The following ENOPH1 variants were observed in gnomAD, a reference collection of about 807,000 sequenced individuals.
The protein encoded by ENOPH1 is enolase-phosphatase 1, also known as enolase-phosphatase E1.
In ENOPH1, 14 loss-of-function variants were observed where a neutral mutation model predicts 31.1. The ratio of observed to expected loss-of-function variants is 0.45; its 90% CI spans 0.30 to 0.70. ENOPH1 has a LOEUF of 0.70. ENOPH1 is among the 30% of genes least tolerant of loss of function. ENOPH1 has a pLI of 0.09. For missense variants in ENOPH1, 243 were observed against 321.5 expected (o/e 0.76, Z 1.87); for synonymous variants, 127 against 123.2 (o/e 1.03, Z -0.21).
At chr4:82,445,432 A>G (rs1176960452) in intron 1 of ENOPH1, among the ~76,000 whole-genome samples, 2 of 152,210 alleles carry the variant, frequency 1.3e-5, no homozygotes, top group Non-Finnish European at 2.9e-5. Flanking sequence ...ACCGTCTGCT[A>G]ACATGTTGAC....
At position 82,460,789 on chromosome 4, in the gene ENOPH1, T is replaced by A. The variant is rs1722626577; in HGVS notation, c.*669T>A. 1 of 152,258 alleles carries A rather than the reference T, an allele frequency of 6.6e-6. No individual in the cohort carries two copies. Among genetic ancestry groups the A allele is most frequent in the Non-Finnish European group, 1.5e-5 (1 of 68,068 alleles). The allele number at this position is 152,258 out of a possible 1,614,324, so 9.4% of individuals were successfully genotyped here. On this transcript the variant is annotated 3_prime_UTR_variant, in exon 6 of 6. Transcript: ENST00000273920. ...ACTGAGGTAACATCTAAAACAGAGA[T>A]GTGGTTCTTAATGTTTAACAGAACA...
At chr4:82,458,764 A>G (rs1422902128) in intron 5 of ENOPH1, among the ~76,000 whole-genome samples, 2 of 152,172 alleles carry the variant, frequency 1.3e-5, no homozygotes, top group African/African-American at 4.8e-5. Flanking sequence ...GCTAGGAAGT[A>G]GGGGTGAGTG....
chr4:82,448,292 CACTT>C (rs1472496455), intron 2 of ENOPH1, among the ~76,000 whole-genome samples: 1 of 148,844 alleles, frequency 6.7e-6, no homozygotes, highest in Non-Finnish European at 1.5e-5. Flanking sequence ...GATGGAGTCT[CACTT>C]CGTTGCCCAG....
At chr4:82,449,603 A>G (rs1272003342) in intron 2 of ENOPH1, among the ~76,000 whole-genome samples, 1 of 152,048 alleles carries the variant, frequency 6.6e-6, no homozygotes, top group Non-Finnish European at 1.5e-5. Context: ...TGCTAAACAA[A>G]CCATTCACGA....
intron 3 of ENOPH1, among the ~76,000 whole-genome samples, chr4:82,451,474 G>A (rs1459769001): frequency 6.6e-6 from 1 of 152,188 alleles, no homozygotes; most frequent in Non-Finnish European, 1.5e-5. Context: ...GTTGATTGAA[G>A]GACTTGTCAA....
chr4:82,456,054 C>T lies in ENOPH1; in HGVS notation c.523-861C>T, dbSNP rs541708821. 9.9e-5 allele frequency among the ~76,000 whole-genome samples: 15 copies of T among 151,960 alleles called. No homozygotes were observed. In the East Asian group the frequency reaches 2.5e-3, roughly 25 times the overall value. On this transcript the variant is annotated intron_variant, in intron 4 of 5. Transcript: ENST00000273920. ...GGTGACTGTTCTCTTAATACAGATA[C>T]AACTTCTTTTCTGCTCTCTCTGACA...
chr4:82,430,722 C>G lies in ENOPH1; in HGVS notation c.-108C>G. On this transcript the variant is annotated 5_prime_UTR_variant, in exon 1 of 6. Coordinates refer to ENST00000273920, the MANE Select transcript of ENOPH1 (RefSeq NM_021204.5). ...CACTTGGTCGCTGGCTCCGAGATCG[C>G]GCGGGGCCGCCGGAAGCCCAAGACG... The G allele has an allele frequency of 9.8e-7, 1 of 1,018,646 alleles. No individual in the cohort carries two copies. The highest frequency in any genetic ancestry group is 1.5e-6 in the Non-Finnish European group (1 of 675,220). The allele number at this position is 1,018,646 out of a possible 1,614,324, so 63.1% of individuals were successfully genotyped here. A position where few individuals can be genotyped will look rare whatever the true frequency, so the allele number is the denominator to read the frequency against.
intron 3 of ENOPH1, among the ~76,000 whole-genome samples, chr4:82,452,918 T>TTC (rs1553902925): frequency 0.018 from 2,561 of 144,852 alleles, 103 homozygotes; most frequent in African/African-American, 0.064. Flanking sequence ...TTTTTTTTTT[T>TTC]TGAGACGGAG....
intron 1 of ENOPH1, among the ~76,000 whole-genome samples, chr4:82,434,976 T>C (rs1721870393): frequency 6.6e-6 from 1 of 152,026 alleles, no homozygotes; most frequent in African/African-American, 2.4e-5. Context: ...CTGAGGATCA[T>C]CAAAATTTGT....
chr4:82,446,730 C>T (rs1271298393), intron 1 of ENOPH1, among the ~76,000 whole-genome samples: 3 of 111,974 alleles, frequency 2.7e-5, no homozygotes, highest in Admixed American at 1.4e-4. Context: ...GACGGAGTCT[C>T]GCTCTGTCGC....
chr4:82,436,686 CAAAAAAA>C (rs35557585), intron 1 of ENOPH1, among the ~76,000 whole-genome samples: 1 of 110,842 alleles, frequency 9.0e-6, no homozygotes, highest in South Asian at 3.0e-4. Context: ...GACCCTGTCT[CAAAAAAA>C]AAAAAAAAAA....
rs766284458 is a variant in ENOPH1 at position 82,454,866 on chromosome 4, A to T, written c.522+12A>T. On this transcript the variant is annotated intron_variant, in intron 4 of 5. Coordinates refer to ENST00000273920, the MANE Select transcript of ENOPH1 (RefSeq NM_021204.5). ...GAGATATTCTTGAGGTAGGTTACCT[A>T]GTTTACTTTGTTGTTTTGACGCTAT... The T allele has an allele frequency of 6.2e-7, 1 of 1,607,684 alleles. No homozygotes were observed. Among genetic ancestry groups the T allele is most frequent in the Admixed American group, 1.7e-5 (1 of 58,058 alleles).
chr4:82,430,819 C>G lies in ENOPH1; in HGVS notation c.-11C>G. 1 of 1,613,792 alleles carries G rather than the reference C, an allele frequency of 6.2e-7. No individual in the cohort carries two copies. The highest frequency in any genetic ancestry group is 1.1e-5 in the South Asian group (1 of 91,076). On this transcript the variant is annotated 5_prime_UTR_variant, in exon 1 of 6. In the 5' UTR this introduces an upstream ATG that the reference lacks. Transcript: ENST00000273920. ...AACAGCAGGCCGAGTCCCGTAGCAT[C>G]CGGTAGGGAAATGGTCGTGCTTTCG...
At chr4:82,443,697 C>T (rs916683583) in intron 1 of ENOPH1, among the ~76,000 whole-genome samples, 1 of 141,504 alleles carries the variant, frequency 7.1e-6, no homozygotes, top group African/African-American at 2.6e-5. Context: ...CACTGCCCTC[C>T]AGCCTGGGAC....
chr4:82,454,612 C>G, intron 3 of ENOPH1, 110 bp from the exon 4 acceptor site: 2 of 1,239,182 alleles, frequency 1.6e-6, no homozygotes, highest in Non-Finnish European at 2.2e-6. Context: ...AGCTGCTTCT[C>G]AGGTTACCAT....
At chr4:82,459,935 A>AT (rs746989974) in intron 5 of ENOPH1, 46 bp from the exon 6 acceptor site, 167 of 1,603,892 alleles carry the variant, frequency 1.0e-4, no homozygotes, top group Non-Finnish European at 1.1e-4. Context: ...CTCAGACATC[A>AT]TTTTTTGGTG....
chr4:82,436,850 A>C (rs1243196312), intron 1 of ENOPH1, among the ~76,000 whole-genome samples: 1 of 152,156 alleles, frequency 6.6e-6, no homozygotes, highest in South Asian at 2.1e-4. Context: ...AGTTCCCTAA[A>C]GCTGGGACTG....
intron 1 of ENOPH1, among the ~76,000 whole-genome samples, chr4:82,434,706 G>A (rs1034054388): frequency 4.0e-5 from 6 of 151,028 alleles, no homozygotes; most frequent in African/African-American, 9.8e-5. Flanking sequence ...AGAGGAAGAC[G>A]CTGTCTCAAA....
At chr4:82,435,575 T>C (rs182880702) in intron 1 of ENOPH1, among the ~76,000 whole-genome samples, 1 of 152,362 alleles carries the variant, frequency 6.6e-6, no homozygotes, top group Non-Finnish European at 1.5e-5. Context: ...ATCTTTCTTA[T>C]GAAAACTGCT....
Sources: gnomAD v4.1 joint callset for allele counts (sites outside exome capture counted in the v4.1 genomes callset) on GRCh38, gnomAD v4.1.1 for gene constraint, MANE v1.5 for transcripts, NCBI Gene and HGNC (gene_info 2026-07-23, HGNC 2026-07-21) for gene names.